Variants in SLC25A13 observed in about 807,000 individuals in gnomAD.
SLC25A13 encodes electrogenic aspartate/glutamate antiporter SLC25A13, mitochondrial.
A neutral mutation model predicts 85.5 loss-of-function variants in SLC25A13; 70 were observed. The ratio of observed to expected loss-of-function variants is 0.82; its 90% confidence interval spans 0.68 to 1.00. The LOEUF is 1.00. Among genes scored for constraint, SLC25A13 ranks in the 50% least tolerant of loss-of-function variants. The pLI, the probability that SLC25A13 is intolerant of heterozygous loss-of-function variation, is 0.00. For synonymous variants in SLC25A13, 259 were observed against 288.7 expected, an observed-to-expected ratio of 0.90 and a Z score of 1.04; for missense variants, 765 against 819.8, an observed-to-expected ratio of 0.93 and a Z score of 0.82.
intron 5 of SLC25A13, among the ~76,000 whole-genome samples, 165 bp from the exon 6 acceptor site, chr7:96,193,348 GAC>G (rs1794934444): frequency 6.6e-6 from 1 of 152,118 alleles, no homozygotes. Flanking sequence ...CCTTCCAAGA[GAC>G]AGAACTTTGC....
rs1584623935 is a variant in SLC25A13, at chr7:96,322,098, T to C, written c.-142A>G. On this transcript the variant is annotated 5_prime_UTR_variant, in exon 1 of 18. Coordinates refer to ENST00000265631, the MANE Select transcript of SLC25A13 (RefSeq NM_014251.3). ...AGGCAGCGTGCGTTCCTGGCCTGCC[T>C]CCCCACGCCCTCCCGCCGGCGCGGG... is the stretch of plus-strand genomic sequence containing the variant. 3 of 1,200,500 alleles carry C rather than the reference T, an allele frequency of 2.5e-6. No homozygotes were observed. The highest frequency in any genetic ancestry group is 3.5e-6 in the Non-Finnish European group (3 of 852,024). The allele number at this position is 1,200,500 out of a possible 1,614,324, so 74.4% of individuals were successfully genotyped here.
chr7:96,203,316 C>T (rs1795331316), intron 5 of SLC25A13, among the ~76,000 whole-genome samples: 9 of 152,150 alleles, frequency 5.9e-5, no homozygotes, highest in Admixed American at 5.9e-4. Flanking sequence ...AAATTTGAGT[C>T]TTGGGAGGGG....
chr7:96,129,371 C>T (rs1791907694), intron 15 of SLC25A13, among the ~76,000 whole-genome samples: 1 of 152,052 alleles, frequency 6.6e-6, no homozygotes, highest in Non-Finnish European at 1.5e-5. Flanking sequence ...ACAGGGATGC[C>T]AACTACTTAA....
In SLC25A13 at chr7:96,243,513, A is replaced by T. The variant is rs1168928911; in HGVS notation, c.213-8596T>A. 8.5e-5 allele frequency among the ~76,000 whole-genome samples: 13 copies of T among 152,242 alleles called. No homozygotes were observed. The East Asian group carries it at 2.5e-3, about 30-fold the overall frequency. The stretch of plus-strand genomic sequence containing the variant: ...TTCTCAGCCCCAGATACTCTATTTC[A>T]TTGGTCTGTAGAGGGGCCTAAACAC... On this transcript the variant is annotated intron_variant, in intron 3 of 17. Transcript: ENST00000265631.
chr7:96,266,017 T>A (rs796506432), intron 3 of SLC25A13, among the ~76,000 whole-genome samples: 5 of 152,306 alleles, frequency 3.3e-5, no homozygotes, highest in African/African-American at 1.2e-4. Context: ...AAGTTCTACC[T>A]CTTCACACTA....
At chr7:96,207,782 G>C (rs1213070955) in intron 5 of SLC25A13, among the ~76,000 whole-genome samples, 5 of 152,136 alleles carry the variant, frequency 3.3e-5, no homozygotes, top group African/African-American at 4.8e-5. Context: ...CCAATGATAT[G>C]ATCATATGGG....
At chr7:96,229,359 T>G (rs974819550) in intron 4 of SLC25A13, among the ~76,000 whole-genome samples, 1 of 151,926 alleles carries the variant, frequency 6.6e-6, no homozygotes, top group East Asian at 1.9e-4. Flanking sequence ...CAATCAGCAC[T>G]CTGTCAAAAT....
chr7:96,174,039 T>A (rs573916780), intron 11 of SLC25A13, among the ~76,000 whole-genome samples: 1 of 152,228 alleles, frequency 6.6e-6, no homozygotes, highest in East Asian at 1.9e-4. Flanking sequence ...GCAGAGGAAG[T>A]GCATTGGTGG....
chr7:96,213,890 ACTC>A (rs1017494099), intron 4 of SLC25A13, among the ~76,000 whole-genome samples: 6 of 152,134 alleles, frequency 3.9e-5, no homozygotes, highest in African/African-American at 1.4e-4. Context: ...TAGTTCAGCC[ACTC>A]CTCCTAAAAG....
intron 5 of SLC25A13, among the ~76,000 whole-genome samples, chr7:96,205,457 G>C (rs945437446): frequency 1.3e-5 from 2 of 152,118 alleles, no homozygotes; most frequent in Non-Finnish European, 2.9e-5. Flanking sequence ...AAGTTATATG[G>C]AGATGAAGTT....
At chr7:96,157,177 A>G (rs551408398) in intron 13 of SLC25A13, among the ~76,000 whole-genome samples, 7 of 152,236 alleles carry the variant, frequency 4.6e-5, no homozygotes, top group Admixed American at 3.3e-4. Context: ...AGCTTCTCAA[A>G]CGCACAGCAT....
intron 11 of SLC25A13, among the ~76,000 whole-genome samples, chr7:96,175,179 C>A (rs1345578650): frequency 1.3e-5 from 2 of 152,074 alleles, no homozygotes; most frequent in Non-Finnish European, 2.9e-5. Context: ...GAGATATTTG[C>A]CCTGGGACTT....
At chr7:96,199,096 C>T (rs1346782892) in intron 5 of SLC25A13, among the ~76,000 whole-genome samples, 1 of 152,166 alleles carries the variant, frequency 6.6e-6, no homozygotes, top group Non-Finnish European at 1.5e-5. Context: ...TGCTTCATCT[C>T]TTTGAATCCT....
chr7:96,141,757 A>C (rs1792575211), intron 14 of SLC25A13, among the ~76,000 whole-genome samples: 1 of 152,350 alleles, frequency 6.6e-6, no homozygotes, highest in South Asian at 2.1e-4. Context: ...AAAGATGATA[A>C]ACTGAAGAAT....
chr7:96,223,992 C>T (rs1413718498), intron 4 of SLC25A13, among the ~76,000 whole-genome samples: 2 of 152,100 alleles, frequency 1.3e-5, no homozygotes, highest in African/African-American at 4.8e-5. Flanking sequence ...CACACATCCA[C>T]ACAGGTACTC....
chr7:96,241,034 AAAGG>A (rs1796962108), intron 3 of SLC25A13, among the ~76,000 whole-genome samples: 1 of 81,726 alleles, frequency 1.2e-5, no homozygotes, highest in Non-Finnish European at 2.5e-5. Context: ...GAAAAGAAAG[AAAGG>A]AAAGAAAGAA....
intron 1 of SLC25A13, among the ~76,000 whole-genome samples, chr7:96,315,327 T>C (rs1800090356): frequency 6.6e-6 from 1 of 152,194 alleles, no homozygotes; most frequent in South Asian, 2.1e-4. Context: ...GTTGTCAAGC[T>C]TTCAAAAATC....
At position 96,191,232 on chromosome 7, in the gene SLC25A13, T is replaced by C. The variant is rs2116656557; in HGVS notation, c.631A>G (p.Thr211Ala). The change falls in exon 7 of 18, where the codon ACA becomes GCA. Residue 211 changes from threonine (T) to alanine (A), a missense_variant. Coordinates refer to ENST00000265631, the MANE Select transcript of SLC25A13 (RefSeq NM_014251.3). ...ECLVAAAGGT[T>A]SHQVSFSYFN... The stretch of plus-strand genomic sequence containing the variant: ...TAGGAGAAACTAACTTGATGGGATG[T>C]GGTACCTCCAGCAGCCTCAAATAAA... 1 of 1,613,992 alleles carries C rather than the reference T, an allele frequency of 6.2e-7. No homozygotes were observed. Among genetic ancestry groups the C allele is most frequent in the Non-Finnish European group, 8.5e-7 (1 of 1,179,958 alleles).
rs556469140 is a variant in SLC25A13 at position 96,268,248 on chromosome 7, G to A, written c.212+8948C>T. Among the ~76,000 whole-genome samples the A allele has an allele frequency of 5.5e-4, 83 of 152,264 alleles. 1 individual carries two copies. In the Middle Eastern group the frequency reaches 0.01, roughly 19 times the overall value. ...AGTCAGTAACAACAACAAATAGAAC[G>A]TGTGCAAAGATCAAAGGAAGAATTT... is the stretch of plus-strand genomic sequence containing the variant. On this transcript the variant is annotated intron_variant, in intron 3 of 17. Coordinates refer to ENST00000265631, the MANE Select transcript of SLC25A13 (RefSeq NM_014251.3).
Sources: gnomAD v4.1 joint callset for allele counts (sites outside exome capture counted in the v4.1 genomes callset) on GRCh38, gnomAD v4.1.1 for gene constraint, MANE v1.5 for transcripts, NCBI Gene and HGNC (gene_info 2026-07-23, HGNC 2026-07-21) for gene names.